Variants in PCDHA7 observed in about 807,000 individuals in gnomAD.
The protein encoded by PCDHA7 is protocadherin alpha 7.
PCDHA7 carries 37 observed loss-of-function variants against 57.2 expected under a neutral mutation model. The ratio of observed to expected loss-of-function variants is 0.65; its 90% CI spans 0.50 to 0.85. PCDHA7 has a LOEUF of 0.85. Ranked by LOEUF, PCDHA7 falls within the 40% of genes least tolerant of loss-of-function variation. The pLI is 0.00. For missense variants in PCDHA7, 1,188 were observed against 1,241.8 expected (o/e 0.96, Z 0.65); for synonymous variants, 553 against 558.8 (o/e 0.99, Z 0.15).
intron 3 of PCDHA7, among the ~76,000 whole-genome samples, chr5:140,994,709 A>C (rs1436733940): frequency 6.6e-6 from 1 of 152,166 alleles, no homozygotes; most frequent in Non-Finnish European, 1.5e-5. Flanking sequence ...TGTCTCAAAA[A>C]AAAATTTAAA....
chr5:140,884,168 A>G (rs1562800814), intron 1 of PCDHA7: 1 of 1,613,300 alleles, frequency 6.2e-7, no homozygotes, highest in South Asian at 1.1e-5. Context: ...GATCAGCACG[A>G]CGCGCCCTCT....
In PCDHA7 at chr5:140,869,777, C is replaced by A. The variant is rs184691375; in HGVS notation, c.2355+33039C>A. On this transcript the variant is annotated intron_variant, in intron 1 of 3. Transcript: ENST00000525929. ...GGGGGAAAACCAGAGCTTACTGGCA[C>A]CGTTCGGCTGTTAGTCCAAGTCTTG... The A allele has an allele frequency of 1.0e-4, 167 of 1,612,982 alleles. 1 individual carries two copies. The highest frequency in any genetic ancestry group is 6.8e-6 in the Non-Finnish European group (8 of 1,179,600).
At chr5:140,982,127 C>G (rs1367393953) in intron 2 of PCDHA7, among the ~76,000 whole-genome samples, 1 of 152,244 alleles carries the variant, frequency 6.6e-6, no homozygotes, top group Non-Finnish European at 1.5e-5. Flanking sequence ...CTTTTGAGAA[C>G]AAGCCCTCCT....
At chr5:140,966,790 T>C in intron 1 of PCDHA7, 1 of 1,529,556 alleles carries the variant, frequency 6.5e-7, no homozygotes, top group Non-Finnish European at 8.8e-7. Context: ...GCACCAGACC[T>C]GCGGCGACAG....
chr5:140,884,020 G>C (rs61734917), intron 1 of PCDHA7: 236 of 1,613,292 alleles, frequency 1.5e-4, no homozygotes, highest in Non-Finnish European at 1.9e-4. Flanking sequence ...TGCCGCGGTC[G>C]GTGGGTGCAG....
At chr5:141,005,769 G>A (rs1421440870) in intron 3 of PCDHA7, among the ~76,000 whole-genome samples, 3 of 129,926 alleles carry the variant, frequency 2.3e-5, no homozygotes, top group Non-Finnish European at 4.9e-5. Context: ...AAGCAAACCA[G>A]ATGTGTAAAG....
chr5:140,882,788 C>T, intron 1 of PCDHA7: 1 of 1,614,216 alleles, frequency 6.2e-7, no homozygotes, highest in East Asian at 2.2e-5. Context: ...CCGACTGGAT[C>T]CCAACGATTA....
At chr5:140,967,025 C>G (rs2153750258) in intron 1 of PCDHA7, 1 of 1,608,362 alleles carries the variant, frequency 6.2e-7, no homozygotes, top group Middle Eastern at 1.7e-4. Flanking sequence ...TGCGCCCAGT[C>G]CGCGCTACCT....
Position 140,952,580 on chromosome 5 carries a change from A to G in PCDHA7, c.2356-26369A>G, listed in dbSNP as rs538999222. ...ATCAGCACTTCGGTCCCAATCATTCAAGTAGTCTCTAGGAAGTTCTAAGCT... is the reference window on the plus strand; with the variant it reads ...ATCAGCACTTCGGTCCCAATCATTCGAGTAGTCTCTAGGAAGTTCTAAGCT... On this transcript the variant is annotated intron_variant, in intron 1 of 3. Transcript: ENST00000525929. Among the ~76,000 whole-genome samples the G allele has an allele frequency of 2.0e-4, 30 of 152,248 alleles. No homozygotes were observed. In the South Asian group the frequency reaches 2.3e-3, roughly 12 times the overall value.
intron 1 of PCDHA7, chr5:140,856,177 C>G (rs200004763): frequency 6.3e-7 from 1 of 1,598,248 alleles, no homozygotes; most frequent in East Asian, 2.2e-5. Context: ...ACGGCACCTT[C>G]GTGGGCCGCA....
At chr5:140,870,990 G>C in intron 1 of PCDHA7, 6 of 1,613,518 alleles carry the variant, frequency 3.7e-6, no homozygotes, top group Non-Finnish European at 5.1e-6. Flanking sequence ...ACACGGGCGA[G>C]ATAAGCACAA....
intron 1 of PCDHA7, chr5:140,883,871 G>C: frequency 1.9e-6 from 3 of 1,613,242 alleles, no homozygotes; most frequent in Non-Finnish European, 2.5e-6. Context: ...GCAGTTCCAG[G>C]TGAGCGCGCG....
intron 1 of PCDHA7, among the ~76,000 whole-genome samples, chr5:140,952,740 C>T (rs2094790841): frequency 1.3e-5 from 2 of 152,184 alleles, no homozygotes; most frequent in African/African-American, 2.4e-5. Flanking sequence ...TTTTCTCACA[C>T]TGCTATAAAA....
Position 140,969,468 on chromosome 5 carries a change from A to G in PCDHA7, c.2356-9481A>G, listed in dbSNP as rs1554231867. 18 of 1,486,304 alleles carry G rather than the reference A, an allele frequency of 1.2e-5. No individual in the cohort carries two copies. In the South Asian group the frequency reaches 2.5e-4, roughly 21 times the overall value. 92.1% of individuals were successfully genotyped at this position (1,486,304 alleles called of 1,614,324 possible). The stretch of plus-strand genomic sequence containing the variant: ...AAACTGAGTATATATAGTATCCACA[A>G]TTTGATCATAATCTGCTATTTCCTC... On this transcript the variant is annotated intron_variant, in intron 1 of 3. Transcript: ENST00000525929.
chr5:140,967,539 A>G (rs1554229656), intron 1 of PCDHA7: 2 of 1,613,730 alleles, frequency 1.2e-6, no homozygotes, highest in African/African-American at 1.3e-5. Flanking sequence ...CCTGCCTTTG[A>G]CCAGTCCACT....
chr5:140,899,936 T>A (rs1443562291), intron 1 of PCDHA7, among the ~76,000 whole-genome samples: 1 of 152,064 alleles, frequency 6.6e-6, no homozygotes, highest in Non-Finnish European at 1.5e-5. Context: ...GCCTCCTGAA[T>A]AGCTGGGACC....
intron 1 of PCDHA7, among the ~76,000 whole-genome samples, chr5:140,890,937 A>G (rs2153432428): frequency 6.6e-6 from 1 of 152,254 alleles, no homozygotes; most frequent in South Asian, 2.1e-4. Flanking sequence ...TAGTCCAAAG[A>G]TGCTGGTGAG....
intron 3 of PCDHA7, among the ~76,000 whole-genome samples, chr5:141,000,387 C>A (rs868946328): frequency 8.2e-4 from 55 of 66,860 alleles, no homozygotes; most frequent in African/African-American, 2.7e-3. Context: ...CTCTCTCTCT[C>A]TCTCTCTCTA....
chr5:140,836,804 T>C, intron 1 of PCDHA7, 66 bp downstream of exon 1: 1 of 1,321,042 alleles, frequency 7.6e-7, no homozygotes, highest in East Asian at 2.4e-5. Flanking sequence ...CTCCTTAAAT[T>C]TTCTTTCATA....
Sources: allele counts gnomAD v4.1 joint callset (sites outside exome capture counted in the v4.1 genomes callset), GRCh38; gene constraint gnomAD v4.1.1; transcripts MANE v1.5; gene names NCBI Gene and HGNC (gene_info 2026-07-23, HGNC 2026-07-21).